The following GALNT13 variants were observed in gnomAD, a reference collection of about 807,000 sequenced individuals.
GALNT13 encodes the protein polypeptide N-acetylgalactosaminyltransferase 13.
GALNT13 carries 28 observed loss-of-function variants against 64.2 expected under a neutral mutation model. The observed-to-expected ratio is 0.44, with a 90% CI of 0.32 to 0.60. The LOEUF (loss-of-function observed/expected upper bound fraction) is 0.60, where lower values mean the gene tolerates loss of function less well. Ranked by LOEUF, GALNT13 falls within the 20% of genes least tolerant of loss-of-function variation. GALNT13 has a pLI of 0.05. For missense variants in GALNT13, 577 were observed against 669.8 expected (o/e 0.86, Z 1.53); for synonymous variants, 214 against 224.6 (o/e 0.95, Z 0.42).
intron 4 of GALNT13, among the ~76,000 whole-genome samples, chr2:154,220,701 A>C (rs1331375761): frequency 6.6e-6 from 1 of 152,088 alleles, no homozygotes; most frequent in African/African-American, 2.4e-5. Context: ...GCAAGTTGTC[A>C]TAAAAGTAGT....
the GALNT13 span, among the ~76,000 whole-genome samples, chr2:153,436,606 T>G: frequency 2.0e-5 from 3 of 152,248 alleles, no homozygotes; most frequent in Admixed American, 6.5e-5. Flanking sequence ...ATTTTCTAGT[T>G]TATTTGCATA....
chr2:154,320,342 G>A (rs1252257379), intron 9 of GALNT13, among the ~76,000 whole-genome samples: 1 of 152,070 alleles, frequency 6.6e-6, no homozygotes, highest in African/African-American at 2.4e-5. Flanking sequence ...CATTTACTAA[G>A]TTCTATTTTC....
the GALNT13 span, among the ~76,000 whole-genome samples, chr2:153,721,892 G>C: frequency 6.6e-6 from 1 of 150,918 alleles, no homozygotes; most frequent in African/African-American, 2.5e-5. Flanking sequence ...ACATTATACA[G>C]ATCAACGAGA....
chr2:153,115,064 G>A, the GALNT13 span, among the ~76,000 whole-genome samples: 9 of 151,312 alleles, frequency 5.9e-5, no homozygotes, highest in Admixed American at 2.6e-4. Context: ...CAGGTGCTAA[G>A]CAGAATGCTT....
At chr2:154,324,995 A>T (rs769037987) in intron 9 of GALNT13, among the ~76,000 whole-genome samples, 2 of 152,136 alleles carry the variant, frequency 1.3e-5, no homozygotes, top group African/African-American at 4.8e-5. Flanking sequence ...TTGTTTGTTC[A>T]TGGGAGACCC....
At position 154,306,936 on chromosome 2, in the gene GALNT13, AC is replaced by A. The variant is rs1693772709; in HGVS notation, c.1156+5348del. 3.3e-5 allele frequency among the ~76,000 whole-genome samples: 5 copies of A among 152,080 alleles called. No homozygotes were observed. The South Asian group carries it at 1.0e-3, about 32-fold the overall frequency. On this transcript the variant is annotated intron_variant, in intron 9 of 12. Coordinates refer to ENST00000392825, the MANE Select transcript of GALNT13 (RefSeq NM_052917.4). ...ATCTTGTGGCTAATTTGTTAGTCCTACAAAGGCAGACTAGTCCCTAGGCAAG... is the reference window on the plus strand; with the variant it reads ...ATCTTGTGGCTAATTTGTTAGTCCTAAAAGGCAGACTAGTCCCTAGGCAAG...
the GALNT13 span, among the ~76,000 whole-genome samples, chr2:153,321,088 A>G: frequency 6.6e-6 from 1 of 152,182 alleles, no homozygotes; most frequent in Non-Finnish European, 1.5e-5. Flanking sequence ...GTTCCTGGAC[A>G]TCAATACAAG....
intron 9 of GALNT13, among the ~76,000 whole-genome samples, chr2:154,379,803 G>T (rs1327980241): frequency 6.6e-6 from 1 of 151,822 alleles, no homozygotes; most frequent in Non-Finnish European, 1.5e-5. Context: ...TGAATCCTGG[G>T]CAGGAAAACA....
Position 153,929,941 on chromosome 2 carries a change from C to A in GALNT13, c.-104-14453C>A, listed in dbSNP as rs186073684. ...ATCTTCAAAACGTTTTCCCCATTGG[C>A]AGAACTAATTTACAGTCTTATTAGC... On this transcript the variant is annotated intron_variant, in intron 2 of 12. Transcript: ENST00000392825. Among the ~76,000 whole-genome samples, 7 of 152,238 alleles carry A rather than the reference C, an allele frequency of 4.6e-5. No individual in the cohort carries two copies. In the East Asian group the frequency reaches 1.4e-3, roughly 29 times the overall value.
the GALNT13 span, among the ~76,000 whole-genome samples, chr2:153,656,317 A>AGTGTGTGTGTGTGTGTGT: frequency 6.0e-4 from 90 of 149,470 alleles, no homozygotes; most frequent in East Asian, 7.4e-3. Flanking sequence ...GACTTAAAGA[A>AGTGTGTGTGTGTGTGTGT]GTGTGTGTGT....
chr2:153,838,907 T>C, the GALNT13 span, among the ~76,000 whole-genome samples: 1 of 151,920 alleles, frequency 6.6e-6, no homozygotes, highest in Admixed American at 6.6e-5. Flanking sequence ...ATTATTCTAA[T>C]CTATTAACAG....
At chr2:153,674,336 A>T in the GALNT13 span, among the ~76,000 whole-genome samples, 2 of 152,210 alleles carry the variant, frequency 1.3e-5, no homozygotes, top group Non-Finnish European at 2.9e-5. Flanking sequence ...ACAGCATGGT[A>T]CTGGTACCAA....
chr2:153,109,488 C>T, the GALNT13 span, among the ~76,000 whole-genome samples: 1 of 152,248 alleles, frequency 6.6e-6, no homozygotes, highest in South Asian at 2.1e-4. Flanking sequence ...GAGAAGGAGA[C>T]TTTTCTACCC....
At chr2:153,797,493 C>A in the GALNT13 span, among the ~76,000 whole-genome samples, 4 of 152,156 alleles carry the variant, frequency 2.6e-5, no homozygotes, top group East Asian at 7.7e-4. Context: ...CACATTGGCT[C>A]AACATGTTTA....
At chr2:153,564,360 T>C in the GALNT13 span, among the ~76,000 whole-genome samples, 1 of 152,180 alleles carries the variant, frequency 6.6e-6, no homozygotes, top group Admixed American at 6.5e-5. Context: ...ATTATAGTTA[T>C]TTTGGCTTTT....
intron 3 of GALNT13, among the ~76,000 whole-genome samples, chr2:154,137,286 G>A (rs1171337549): frequency 2.7e-5 from 4 of 149,990 alleles, no homozygotes; most frequent in Admixed American, 6.7e-5. Flanking sequence ...CAATAGGCCT[G>A]CTTATACACA....
chr2:153,902,001 A>ATGTGTAG (rs1314314135), intron 2 of GALNT13, among the ~76,000 whole-genome samples: 8 of 152,092 alleles, frequency 5.3e-5, no homozygotes, highest in African/African-American at 1.9e-4. Flanking sequence ...TTATCTTCAG[A>ATGTGTAG]TGTGTAGTGT....
chr2:153,950,489 A>G lies in GALNT13; in HGVS notation c.142+5850A>G, dbSNP rs1168344566. 2.0e-5 allele frequency among the ~76,000 whole-genome samples: 3 copies of G among 152,238 alleles called. No homozygotes were observed. The East Asian group carries it at 5.8e-4, about 29-fold the overall frequency. On this transcript the variant is annotated intron_variant, in intron 3 of 12. Transcript: ENST00000392825. ...CAATTGCTAAAGGTGATGTGTCTCT[A>G]CATTTTTATAATAACTTCAGATAAC...
the GALNT13 span, among the ~76,000 whole-genome samples, chr2:153,526,923 T>C: frequency 6.6e-6 from 1 of 152,262 alleles, no homozygotes; most frequent in East Asian, 1.9e-4. Flanking sequence ...CATCAGAGTC[T>C]TTTATTAGCA....
Sources: gnomAD v4.1 joint callset for allele counts (sites outside exome capture counted in the v4.1 genomes callset) on GRCh38, gnomAD v4.1.1 for gene constraint, MANE v1.5 for transcripts, NCBI Gene and HGNC (gene_info 2026-07-23, HGNC 2026-07-21) for gene names.